ABCC4: variants seen among roughly 807,000 people sequenced by gnomAD.
ABCC4 encodes the protein ATP binding cassette subfamily C member 4 (PEL blood group).
A neutral mutation model predicts 168.5 loss-of-function variants in ABCC4; 102 were observed. The ratio of observed to expected loss-of-function variants is 0.61; its 90% CI spans 0.52 to 0.71. ABCC4 has a LOEUF of 0.71. Ranked by LOEUF, ABCC4 falls within the 30% of genes least tolerant of loss-of-function variation. The probability of loss-of-function intolerance (pLI) is 0.00; values close to 1 mark genes in which losing one functional copy is unlikely to be tolerated. For synonymous variants in ABCC4, 617 were observed against 590.7 expected (o/e 1.04, Z -0.65); for missense variants, 1,402 against 1,605.8 (o/e 0.87, Z 2.17).
At chr13:95,142,923 G>A (rs1245825989) in intron 19 of ABCC4, among the ~76,000 whole-genome samples, 4 of 152,022 alleles carry the variant, frequency 2.6e-5, no homozygotes, top group Non-Finnish European at 5.9e-5. Flanking sequence ...GAAGAAACAA[G>A]GAATAAAATG....
intron 20 of ABCC4, among the ~76,000 whole-genome samples, chr13:95,101,954 T>C (rs941421559): frequency 1.3e-5 from 2 of 152,238 alleles, no homozygotes; most frequent in African/African-American, 4.8e-5. Flanking sequence ...AAGAATGTTA[T>C]TGAAATGACT....
At chr13:95,296,739 C>T (rs2041545544) in intron 1 of ABCC4, among the ~76,000 whole-genome samples, 1 of 152,160 alleles carries the variant, frequency 6.6e-6, no homozygotes, top group Admixed American at 6.6e-5. Context: ...GCCTGCCGGG[C>T]ACCAGGGGGC....
chr13:95,128,863 A>G (rs2035870117), intron 19 of ABCC4, among the ~76,000 whole-genome samples: 1 of 152,232 alleles, frequency 6.6e-6, no homozygotes, highest in Non-Finnish European at 1.5e-5. Flanking sequence ...AGTTTGGCTG[A>G]TAATTCCCAA....
At chr13:95,177,909 C>A in intron 12 of ABCC4, 88 bp downstream of exon 12, 2 of 1,496,686 alleles carry the variant, frequency 1.3e-6, no homozygotes, top group Non-Finnish European at 1.9e-6. Flanking sequence ...ACACAGGACG[C>A]AATACACAGT....
At position 95,209,554 on chromosome 13, in the gene ABCC4, G is replaced by C; in HGVS notation, c.665C>G (p.Ala222Gly). 1 of 1,614,050 alleles carries C rather than the reference G, an allele frequency of 6.2e-7. No individual in the cohort carries two copies. The highest frequency in any genetic ancestry group is 8.5e-7 in the Non-Finnish European group (1 of 1,179,948). Reference sequence around the variant, plus strand: ...CCAGAGTAGGGCAGTCACTGCAATCGCCTGCAGTGGTCCTGCCCACAGGAA... The same window carrying C: ...CCAGAGTAGGGCAGTCACTGCAATCCCCTGCAGTGGTCCTGCCCACAGGAA... ...LHFLWAGPLQ[A>G]IAVTALLWME... Residue 222 changes from alanine to glycine, a missense_variant, in exon 6 of 31, where the codon GCG becomes GGG. Coordinates refer to ENST00000645237, the MANE Select transcript of ABCC4 (RefSeq NM_005845.5).
intron 21 of ABCC4, among the ~76,000 whole-genome samples, chr13:95,076,465 T>C (rs534207897): frequency 6.6e-6 from 1 of 151,996 alleles, no homozygotes; most frequent in South Asian, 2.1e-4. Context: ...CCTGACCAGC[T>C]GCTCCTCCTT....
intron 1 of ABCC4, among the ~76,000 whole-genome samples, chr13:95,298,439 A>G (rs565722231): frequency 6.6e-6 from 1 of 152,048 alleles, no homozygotes; most frequent in South Asian, 2.1e-4. Flanking sequence ...AAACCTCACC[A>G]CCCCCACCCA....
rs193119329 is a variant in ABCC4 at position 95,083,058 on chromosome 13, G to A, written c.2686+82C>T. ...GAAATTCTGGAAGACAGAGTCTGCC[G>A]AATTTCAGGGGGTCTCTGTAATTTA... On this transcript the variant is annotated intron_variant, in intron 21 of 30. Transcript: ENST00000645237. 196 of 1,483,146 alleles carry A rather than the reference G, an allele frequency of 1.3e-4. 1 individual carries two copies. In the African/African-American group the frequency reaches 1.9e-3, roughly 14 times the overall value. 91.9% of individuals were successfully genotyped at this position (1,483,146 alleles called of 1,614,324 possible).
chr13:95,094,667 G>C (rs1163700926), intron 20 of ABCC4, among the ~76,000 whole-genome samples: 2 of 152,096 alleles, frequency 1.3e-5, no homozygotes, highest in Non-Finnish European at 2.9e-5. Context: ...AAGATAAATA[G>C]TAGGGACTTA....
chr13:95,161,426 GTTAC>G, intron 18 of ABCC4, 91 bp from the exon 19 acceptor site: 1 of 1,043,644 alleles, frequency 9.6e-7, no homozygotes, highest in East Asian at 2.8e-5. Flanking sequence ...TTATAAAGAT[GTTAC>G]TTAATTTATT....
chr13:95,055,338 T>C (rs2033012898), intron 26 of ABCC4, among the ~76,000 whole-genome samples: 3 of 152,344 alleles, frequency 2.0e-5, no homozygotes, highest in South Asian at 2.1e-4. Flanking sequence ...ACAATCTTCA[T>C]GTAAAATGTA....
chr13:95,159,128 T>TATAA (rs2036994767), intron 19 of ABCC4, among the ~76,000 whole-genome samples: 1 of 130,506 alleles, frequency 7.7e-6, no homozygotes, highest in Non-Finnish European at 1.6e-5. Context: ...TATATATATA[T>TATAA]ATATAACTAT....
chr13:95,233,601 C>T (rs1224119778), intron 4 of ABCC4, among the ~76,000 whole-genome samples: 2 of 151,814 alleles, frequency 1.3e-5, no homozygotes, highest in African/African-American at 4.8e-5. Flanking sequence ...CTCAGCATCA[C>T]ACAATACACC....
intron 9 of ABCC4, among the ~76,000 whole-genome samples, chr13:95,194,306 C>T (rs1313825419): frequency 3.9e-5 from 6 of 152,338 alleles, no homozygotes; most frequent in Non-Finnish European, 5.9e-5. Flanking sequence ...AGCCTCCCCT[C>T]GGCCTTGGGC....
rs1037077222 is a variant in ABCC4, at chr13:95,249,176, G to A, written c.75-1423C>T. On this transcript the variant is annotated intron_variant, in intron 1 of 30. Coordinates refer to ENST00000645237, the MANE Select transcript of ABCC4 (RefSeq NM_005845.5). ...GTCAAGGCTGCAGTGAGCTGTGATCGCCACTGCACACCAGCCTGAGCAGAA... is the reference window on the plus strand; with the variant it reads ...GTCAAGGCTGCAGTGAGCTGTGATCACCACTGCACACCAGCCTGAGCAGAA... Among the ~76,000 whole-genome samples the A allele has an allele frequency of 1.2e-4, 18 of 150,730 alleles. No individual in the cohort carries two copies. The South Asian group carries it at 2.3e-3, about 19-fold the overall frequency.
At chr13:95,108,641 C>CTTTT (rs11396828) in intron 20 of ABCC4, among the ~76,000 whole-genome samples, 2 of 145,216 alleles carry the variant, frequency 1.4e-5, no homozygotes. Flanking sequence ...AATCTATTTT[C>CTTTT]TTTTTTTTTT....
chr13:95,258,694 C>T (rs1325576310), intron 1 of ABCC4, among the ~76,000 whole-genome samples: 1 of 152,090 alleles, frequency 6.6e-6, no homozygotes, highest in African/African-American at 2.4e-5. Context: ...GAGTGACTCT[C>T]CACCCAGGCT....
At chr13:95,243,226 A>G (rs932821146) in intron 3 of ABCC4, among the ~76,000 whole-genome samples, 1 of 152,160 alleles carries the variant, frequency 6.6e-6, no homozygotes, top group African/African-American at 2.4e-5. Flanking sequence ...TGCTAGTGGG[A>G]GGGTTCAGAT....
At chr13:95,292,988 C>T (rs1237673505) in intron 1 of ABCC4, among the ~76,000 whole-genome samples, 1 of 152,078 alleles carries the variant, frequency 6.6e-6, no homozygotes, top group Admixed American at 6.6e-5. Context: ...CAAACGCTAC[C>T]GGCTGGCAGG....
Sources: allele counts gnomAD v4.1 joint callset (sites outside exome capture counted in the v4.1 genomes callset), GRCh38; gene constraint gnomAD v4.1.1; transcripts MANE v1.5; gene names NCBI Gene and HGNC (gene_info 2026-07-23, HGNC 2026-07-21).